Variants in RBMS3 observed in about 807,000 individuals in gnomAD.
The protein encoded by RBMS3 is RNA binding motif single stranded interacting protein 3, also known as RNA-binding motif, single-stranded-interacting protein 3.
RBMS3 carries 27 observed loss-of-function variants against 66.8 expected under a neutral mutation model. The ratio of observed to expected loss-of-function variants is 0.40; its 90% confidence interval spans 0.30 to 0.56. The LOEUF is 0.56. RBMS3 is among the 20% of genes least tolerant of loss of function. The probability of loss-of-function intolerance (pLI) is 0.40; values close to 1 mark genes in which losing one functional copy is unlikely to be tolerated. For synonymous variants in RBMS3, 188 were observed against 183.0 expected (o/e 1.03, Z -0.22); for missense variants, 513 against 549.5 (o/e 0.93, Z 0.66).
At chr3:29,716,068 AT>A in intron 4 of RBMS3, among the ~76,000 whole-genome samples, 1 of 152,270 alleles carries the variant, frequency 6.6e-6, no homozygotes, top group East Asian at 1.9e-4. Context: ...ATTGGCAAAG[AT>A]TAAGAAGATG....
intron 3 of RBMS3, among the ~76,000 whole-genome samples, chr3:29,525,438 A>C (rs988855761): frequency 2.6e-5 from 4 of 152,202 alleles, no homozygotes; most frequent in African/African-American, 7.2e-5. Context: ...CTGTTGACCG[A>C]GTGACATCCC....
Position 29,938,935 on chromosome 3 carries a change from A to T in RBMS3, c.1050+2739A>T, listed in dbSNP as rs115862779. Among the ~76,000 whole-genome samples the T allele has an allele frequency of 8.9e-3, 1,347 of 152,122 alleles. 22 individuals are homozygous for T. The highest frequency in any genetic ancestry group is 0.031 in the African/African-American group (1,296 of 41,534). On this transcript the variant is annotated intron_variant, in intron 11 of 14. Coordinates refer to ENST00000383767, the MANE Select transcript of RBMS3 (RefSeq NM_001003793.3). ...GAGTGTTAATGAAATGACAATATGC[A>T]GCATATCTTATACAGTGTGATACCC...
At position 29,994,885 on chromosome 3, in the gene RBMS3, C is replaced by T. The variant is rs1050592196; in HGVS notation, c.1307+3676C>T. On this transcript the variant is annotated intron_variant, in intron 14 of 14. Coordinates refer to ENST00000383767, the MANE Select transcript of RBMS3 (RefSeq NM_001003793.3). ...GAGTGCCTCTCCTCCTCCAAAGGAA[C>T]GCAGTTCCTCACCAGCAACGGAACA... Among the ~76,000 whole-genome samples, 21 of 151,016 alleles carry T rather than the reference C, an allele frequency of 1.4e-4. No individual in the cohort carries two copies. In the South Asian group the frequency reaches 2.3e-3, roughly 17 times the overall value.
At chr3:29,884,467 TC>T (rs1371619660) in intron 8 of RBMS3, among the ~76,000 whole-genome samples, 94 of 74,844 alleles carry the variant, frequency 1.3e-3, no homozygotes, top group Non-Finnish European at 2.4e-3. Context: ...TCTCTCTCTC[TC>T]TCCCCCCCCG....
chr3:29,412,626 C>A (rs2040312427), intron 1 of RBMS3, among the ~76,000 whole-genome samples: 1 of 152,130 alleles, frequency 6.6e-6, no homozygotes. Flanking sequence ...TAATTAAGTG[C>A]CAACTGAAAG....
At chr3:30,001,770 C>A (rs1577363674) in intron 14 of RBMS3, among the ~76,000 whole-genome samples, 1 of 150,090 alleles carries the variant, frequency 6.7e-6, no homozygotes, top group African/African-American at 2.4e-5. Flanking sequence ...CAAGTTATTT[C>A]TTTTTATTTT....
At chr3:29,431,424 C>T (rs2041193590) in intron 1 of RBMS3, among the ~76,000 whole-genome samples, 1 of 151,112 alleles carries the variant, frequency 6.6e-6, no homozygotes, top group Non-Finnish European at 1.5e-5. Flanking sequence ...TCCTGAGTAG[C>T]TGGGATTATA....
chr3:29,788,142 G>A (rs372486278), intron 6 of RBMS3, among the ~76,000 whole-genome samples: 19 of 149,878 alleles, frequency 1.3e-4, no homozygotes, highest in African/African-American at 4.4e-4. Context: ...ACAGTGGCAA[G>A]TACCCACCCT....
chr3:29,474,448 A>G lies in RBMS3; in HGVS notation c.249-13993A>G, dbSNP rs980860177. On this transcript the variant is annotated intron_variant, in intron 2 of 14. Coordinates refer to ENST00000383767, the MANE Select transcript of RBMS3 (RefSeq NM_001003793.3). ...AAGAAAAAAGAAACACAGCTTCCCT[A>G]ATAATTTTATCTGATGTGGATGTAG... is the stretch of plus-strand genomic sequence containing the variant. Among the ~76,000 whole-genome samples the G allele has an allele frequency of 3.3e-5, 5 of 152,366 alleles. No individual in the cohort carries two copies. The South Asian group carries it at 1.0e-3, about 32-fold the overall frequency.
intron 7 of RBMS3, among the ~76,000 whole-genome samples, chr3:29,872,233 A>T (rs1261088990): frequency 6.6e-6 from 1 of 152,106 alleles, no homozygotes; most frequent in African/African-American, 2.4e-5. Context: ...AATAACAGAA[A>T]TTAACTCATC....
intron 6 of RBMS3, among the ~76,000 whole-genome samples, chr3:29,771,530 T>A (rs760340496): frequency 6.6e-6 from 1 of 152,000 alleles, no homozygotes; most frequent in Non-Finnish European, 1.5e-5. Flanking sequence ...TTAGGTTACA[T>A]GAAAAAGAGT....
intron 4 of RBMS3, among the ~76,000 whole-genome samples, chr3:29,696,504 C>G (rs2052283290): frequency 6.6e-6 from 1 of 152,176 alleles, no homozygotes; most frequent in Admixed American, 6.5e-5. Flanking sequence ...GTAGCAATGT[C>G]ACACACTGTA....
intron 4 of RBMS3, chr3:29,615,848 A>T (rs903017114): frequency 8.5e-5 from 13 of 152,274 alleles, no homozygotes; most frequent in African/African-American, 3.1e-4. Context: ...CATCTCTCTT[A>T]TGTCTTTACT....
chr3:29,922,493 CAAAAAAAAAA>C (rs68121692), intron 10 of RBMS3, among the ~76,000 whole-genome samples: 223 of 99,084 alleles, frequency 2.3e-3, no homozygotes, highest in African/African-American at 7.0e-3. Context: ...GACTCCGTCT[CAAAAAAAAAA>C]AAAAAAAAAA....
intron 4 of RBMS3, among the ~76,000 whole-genome samples, chr3:29,671,625 A>G: frequency 6.6e-6 from 1 of 152,226 alleles, no homozygotes; most frequent in East Asian, 1.9e-4. Flanking sequence ...CACAAGAACT[A>G]CGTGACACAT....
chr3:29,457,332 A>G (rs532955133), intron 2 of RBMS3, among the ~76,000 whole-genome samples: 1 of 152,186 alleles, frequency 6.6e-6, no homozygotes, highest in African/African-American at 2.4e-5. Context: ...CTTGTCTCTA[A>G]TAAAGGCCCA....
chr3:29,470,750 T>C (rs1238510721), intron 2 of RBMS3, among the ~76,000 whole-genome samples: 1 of 152,074 alleles, frequency 6.6e-6, no homozygotes, highest in African/African-American at 2.4e-5. Context: ...GAAATAAAAA[T>C]GACAGTAAAA....
rs558216943 is a variant in RBMS3 at position 29,618,737 on chromosome 3, G to A, written c.399+31532G>A. On this transcript the variant is annotated intron_variant, in intron 4 of 14. Coordinates refer to ENST00000383767, the MANE Select transcript of RBMS3 (RefSeq NM_001003793.3). Reference sequence around the variant, plus strand: ...TTTGGCTTCCAGGGGCGTCTATGAGGAATGTCTGATAACTCAACAATTCTT... The same window carrying A: ...TTTGGCTTCCAGGGGCGTCTATGAGAAATGTCTGATAACTCAACAATTCTT... Among the ~76,000 whole-genome samples, 7 of 152,204 alleles carry A rather than the reference G, an allele frequency of 4.6e-5. No homozygotes were observed. The South Asian group carries it at 1.5e-3, about 32-fold the overall frequency.
At chr3:29,884,422 TTCTCTCTCTCTCTCTCTCTC>T (rs571002730) in intron 8 of RBMS3, among the ~76,000 whole-genome samples, 4 of 41,840 alleles carry the variant, frequency 9.6e-5, no homozygotes, top group African/African-American at 3.1e-4. Context: ...TTAAACCCTG[TTCTCTCTCTCTCTCTCTCTC>T]TCTCTCTCTC....
Sources: gnomAD v4.1 joint callset for allele counts (sites outside exome capture counted in the v4.1 genomes callset) on GRCh38, gnomAD v4.1.1 for gene constraint, MANE v1.5 for transcripts, NCBI Gene and HGNC (gene_info 2026-07-23, HGNC 2026-07-21) for gene names.